The following DCLK2 variants were observed in gnomAD, a reference collection of about 807,000 sequenced individuals.
DCLK2 encodes doublecortin like kinase 2, also known as serine/threonine-protein kinase DCLK2.
DCLK2 carries 31 observed loss-of-function variants against 78.4 expected under a neutral mutation model. The observed-to-expected ratio is 0.40, with a 90% CI of 0.30 to 0.53. The LOEUF (loss-of-function observed/expected upper bound fraction) is 0.53, where lower values mean the gene tolerates loss of function less well. Among genes scored for constraint, DCLK2 ranks in the 20% least tolerant of loss-of-function variants. The pLI, the probability that DCLK2 is intolerant of heterozygous loss-of-function variation, is 0.61. For synonymous variants in DCLK2, 407 were observed against 374.9 expected (o/e 1.09, Z -0.99); for missense variants, 872 against 973.7 (o/e 0.90, Z 1.39).
At chr4:150,242,381 A>G (rs1285412342) in intron 12 of DCLK2, among the ~76,000 whole-genome samples, 3 of 152,224 alleles carry the variant, frequency 2.0e-5, no homozygotes, top group Non-Finnish European at 4.4e-5. Context: ...GGCCGTCAAC[A>G]TCGTGGTCTT....
chr4:150,237,337 T>C (rs967028767), intron 10 of DCLK2, among the ~76,000 whole-genome samples: 1 of 152,220 alleles, frequency 6.6e-6, no homozygotes, highest in Non-Finnish European at 1.5e-5. Context: ...TCCGTTACTT[T>C]AGGCTGAATC....
intron 2 of DCLK2, among the ~76,000 whole-genome samples, chr4:150,137,366 C>T (rs1733770663): frequency 6.6e-6 from 1 of 152,102 alleles, no homozygotes; most frequent in Admixed American, 6.6e-5. Context: ...CTCTGGAAGC[C>T]CAGGCTCAAA....
At chr4:150,107,115 C>T (rs547735805) in intron 2 of DCLK2, among the ~76,000 whole-genome samples, 22 of 152,212 alleles carry the variant, frequency 1.4e-4, no homozygotes, top group Admixed American at 7.2e-4. Context: ...CTACAACGTG[C>T]AGGACAGCCA....
At chr4:150,226,372 C>A (rs72951541) in intron 8 of DCLK2, among the ~76,000 whole-genome samples, 8,717 of 151,760 alleles carry the variant, frequency 0.057, 831 homozygotes, top group African/African-American at 0.2. Context: ...ATTGTTCTAG[C>A]GATATTACTA....
At chr4:150,137,307 C>T (rs1580574095) in intron 2 of DCLK2, among the ~76,000 whole-genome samples, 1 of 152,170 alleles carries the variant, frequency 6.6e-6, no homozygotes, top group African/African-American at 2.4e-5. Context: ...CTCAGGCCTT[C>T]TCATGGTAAA....
At chr4:150,171,574 C>T (rs1390995077) in intron 2 of DCLK2, among the ~76,000 whole-genome samples, 2 of 152,214 alleles carry the variant, frequency 1.3e-5, no homozygotes, top group Non-Finnish European at 2.9e-5. Flanking sequence ...TAAAATTCAG[C>T]ATATTTAATG....
intron 4 of DCLK2, among the ~76,000 whole-genome samples, chr4:150,201,946 T>A (rs924855941): frequency 6.6e-6 from 1 of 152,240 alleles, no homozygotes; most frequent in Non-Finnish European, 1.5e-5. Flanking sequence ...CAGTTTTAGG[T>A]TCACAGCCAA....
intron 1 of DCLK2, among the ~76,000 whole-genome samples, chr4:150,101,063 G>T (rs909361058): frequency 1.3e-5 from 2 of 152,052 alleles, no homozygotes; most frequent in Admixed American, 1.3e-4. Context: ...GACCAGCCTG[G>T]GCAACATAAT....
chr4:150,097,847 A>T (rs1178747893), intron 1 of DCLK2, among the ~76,000 whole-genome samples: 2 of 152,172 alleles, frequency 1.3e-5, no homozygotes, highest in African/African-American at 2.4e-5. Flanking sequence ...TTTCCCCTAA[A>T]TTTTTTACAG....
intron 2 of DCLK2, among the ~76,000 whole-genome samples, chr4:150,184,413 T>C (rs1370241327): frequency 6.6e-6 from 1 of 152,134 alleles, no homozygotes; most frequent in Non-Finnish European, 1.5e-5. Context: ...AAATAATAGC[T>C]CTTTTAAGAA....
intron 15 of DCLK2, among the ~76,000 whole-genome samples, chr4:150,255,128 G>A (rs1349811659): frequency 6.6e-6 from 1 of 152,106 alleles, no homozygotes; most frequent in Admixed American, 6.5e-5. Flanking sequence ...TTTTTTTGTT[G>A]TTGTTAAAGT....
chr4:150,188,107 A>T (rs927004775), intron 2 of DCLK2, among the ~76,000 whole-genome samples: 1 of 152,142 alleles, frequency 6.6e-6, no homozygotes, highest in African/African-American at 2.4e-5. Flanking sequence ...CATCAGTTAT[A>T]TCTTTTATTC....
chr4:150,250,769 C>G (rs1414126889), intron 15 of DCLK2, among the ~76,000 whole-genome samples: 1 of 151,538 alleles, frequency 6.6e-6, no homozygotes, highest in Non-Finnish European at 1.5e-5. Context: ...GGCATATTCT[C>G]ATGGTACATG....
At position 150,156,528 on chromosome 4, in the gene DCLK2, G is replaced by A. The variant is rs1036331246; in HGVS notation, c.757-36610G>A. Among the ~76,000 whole-genome samples, 23 of 127,648 alleles carry A rather than the reference G, an allele frequency of 1.8e-4. No homozygotes were observed. The Admixed American group carries it at 1.9e-3, about 10-fold the overall frequency. The allele number at this position is 127,648 out of a possible 152,430, so 83.7% of individuals were successfully genotyped here. ...TAAATAAATAAATAAATAAATAGCC[G>A]GGCATGGTGGCACATGCCTGTAGTT... On this transcript the variant is annotated intron_variant, in intron 2 of 15. Coordinates refer to ENST00000296550, the MANE Select transcript of DCLK2 (RefSeq NM_001040260.4).
At position 150,179,038 on chromosome 4, in the gene DCLK2, C is replaced by G. The variant is rs183039471; in HGVS notation, c.757-14100C>G. On this transcript the variant is annotated intron_variant, in intron 2 of 15. Coordinates refer to ENST00000296550, the MANE Select transcript of DCLK2 (RefSeq NM_001040260.4). ...AAATAGTCAAGATTTCTTTTCTTTTCTTTTTTTGAGACAGAGTCTCACTCT... is the reference window on the plus strand; with the variant it reads ...AAATAGTCAAGATTTCTTTTCTTTTGTTTTTTTGAGACAGAGTCTCACTCT... Among the ~76,000 whole-genome samples, 33 of 151,990 alleles carry G rather than the reference C, an allele frequency of 2.2e-4. 1 individual carries two copies. The highest frequency in any genetic ancestry group is 2.0e-3 in the Admixed American group (31 of 15,264).
Position 150,102,538 on chromosome 4 carries a change from T to C in DCLK2, c.482T>C (p.Ile161Thr), listed in dbSNP as rs111756382. Residue 161 changes from isoleucine to threonine, a missense_variant, in exon 2 of 16, where the codon ATT becomes ACT. This residue lies in a region of DCLK2 where 567 missense variants were observed against 593.4 expected (regional missense o/e 0.96). Coordinates refer to ENST00000296550, the MANE Select transcript of DCLK2 (RefSeq NM_001040260.4). ...CGTAAAGTCGATTACACCAAAAATATTAATCCAAACTGGTCTGTGAACATC... is the reference window on the plus strand; with the variant it reads ...CGTAAAGTCGATTACACCAAAAATACTAATCCAAACTGGTCTGTGAACATC... ...PFRKVDYTKN[I>T]NPNWSVNIKG... 1.2e-6 allele frequency: 2 copies of C among 1,614,156 alleles called. No individual in the cohort carries two copies. The highest frequency in any genetic ancestry group is 1.3e-5 in the African/African-American group (1 of 75,052).
At chr4:150,226,430 C>G (rs1741618458) in intron 8 of DCLK2, among the ~76,000 whole-genome samples, 1 of 151,598 alleles carries the variant, frequency 6.6e-6, no homozygotes, top group Non-Finnish European at 1.5e-5. Context: ...AAGGGTTCTG[C>G]TTTCGATGTG....
chr4:150,243,994 GTGCAATCATAGCTCAC>G, intron 12 of DCLK2, among the ~76,000 whole-genome samples: 1 of 151,794 alleles, frequency 6.6e-6, no homozygotes, highest in South Asian at 2.1e-4. Context: ...GAGTGTAGTG[GTGCAATCATAGCTCAC>G]TGCAGTCTCC....
chr4:150,221,663 T>TA lies in DCLK2; in HGVS notation c.1133-13dup, dbSNP rs1214505849. 1 of 1,561,290 alleles carries TA rather than the reference T, an allele frequency of 6.4e-7. No individual in the cohort carries two copies. The highest frequency in any genetic ancestry group is 1.4e-5 in the African/African-American group (1 of 72,696). ...TGATGTTTTCTTTAGAATTTGCATT[T>TA]ATCCTTTTTGCAGGTGTGAATGGAA... On this transcript the variant is annotated splice_polypyrimidine_tract_variant and intron_variant, in intron 6 of 15. Transcript: ENST00000296550.
Sources: allele counts gnomAD v4.1 joint callset (sites outside exome capture counted in the v4.1 genomes callset), GRCh38; gene constraint gnomAD v4.1.1; regional missense constraint gnomAD v4.1.1; transcripts MANE v1.5; gene names NCBI Gene and HGNC (gene_info 2026-07-23, HGNC 2026-07-21).